Variants in WASF3 observed in about 807,000 individuals in gnomAD.
WASF3 encodes WASP family member 3.
WASF3 carries 11 observed loss-of-function variants against 46.6 expected under a neutral mutation model. The observed-to-expected ratio is 0.24, with a 90% CI of 0.15 to 0.39. The LOEUF (loss-of-function observed/expected upper bound fraction) is 0.39. WASF3 is among the 10% of genes least tolerant of loss of function. The pLI is 1.00. For synonymous variants in WASF3, 242 were observed against 259.7 expected (o/e 0.93, Z 0.65); for missense variants, 576 against 669.8 (o/e 0.86, Z 1.55).
chr13:26,636,980 A>T (rs1203251019), intron 2 of WASF3, among the ~76,000 whole-genome samples: 1 of 152,160 alleles, frequency 6.6e-6, no homozygotes, highest in Non-Finnish European at 1.5e-5. Context: ...CAGACCCTGA[A>T]TCTTCACAGG....
intron 1 of WASF3, among the ~76,000 whole-genome samples, chr13:26,600,848 A>G (rs943309804): frequency 9.9e-5 from 15 of 151,984 alleles, no homozygotes; most frequent in African/African-American, 3.6e-4. Flanking sequence ...CCCTCTCTCC[A>G]CCTCTCCACT....
At chr13:26,572,017 T>C (rs1028488635) in intron 1 of WASF3, among the ~76,000 whole-genome samples, 1 of 152,258 alleles carries the variant, frequency 6.6e-6, no homozygotes, top group Non-Finnish European at 1.5e-5. Flanking sequence ...TTTGTGTATG[T>C]GAAGACTAGT....
the WASF3 span, among the ~76,000 whole-genome samples, chr13:26,549,675 C>G: frequency 6.6e-6 from 1 of 152,178 alleles, no homozygotes. Context: ...GTCAAATATC[C>G]TTTCTTCAAG....
At chr13:26,587,492 TA>T (rs370957454) in intron 1 of WASF3, among the ~76,000 whole-genome samples, 24 of 152,338 alleles carry the variant, frequency 1.6e-4, no homozygotes, top group African/African-American at 5.8e-4. Flanking sequence ...CAGAGTTCTC[TA>T]AAAACAGGAT....
intron 2 of WASF3, among the ~76,000 whole-genome samples, chr13:26,634,275 T>G (rs549173048): frequency 6.6e-6 from 1 of 152,322 alleles, no homozygotes; most frequent in African/African-American, 2.4e-5. Flanking sequence ...CTTTGTTGGT[T>G]TAAAGTCTGT....
chr13:26,562,713 A>G lies in WASF3; in HGVS notation c.-109+4894A>G, dbSNP rs1352475776. ...ATGATCTTGGTGAGGAGTCTGTGGA[A>G]CCTCATTGCTGTGGATTGCAGAGTG... On this transcript the variant is annotated intron_variant, in intron 1 of 9. Transcript: ENST00000335327. 4.0e-5 allele frequency among the ~76,000 whole-genome samples: 6 copies of G among 151,370 alleles called. No individual in the cohort carries two copies. In the East Asian group the frequency reaches 7.8e-4, roughly 20 times the overall value.
At chr13:26,672,119 C>A in intron 6 of WASF3, 130 bp downstream of exon 6, 1 of 691,138 alleles carries the variant, frequency 1.4e-6, no homozygotes, top group Non-Finnish European at 2.5e-6. Flanking sequence ...TTGCATTTCT[C>A]ACAAAAGATC....
At chr13:26,564,218 A>G (rs1471670581) in intron 1 of WASF3, among the ~76,000 whole-genome samples, 4 of 152,232 alleles carry the variant, frequency 2.6e-5, no homozygotes, top group African/African-American at 9.6e-5. Context: ...AGGATAGATT[A>G]TCTTGCTAAC....
intron 1 of WASF3, among the ~76,000 whole-genome samples, chr13:26,579,548 C>T: frequency 6.6e-6 from 1 of 152,032 alleles, no homozygotes; most frequent in Non-Finnish European, 1.5e-5. Flanking sequence ...GGTTGTTTTG[C>T]AGGTATAATG....
Position 26,682,364 on chromosome 13 carries a change from C to A in WASF3, c.984-243C>A, listed in dbSNP as rs568758618. 6.6e-6 allele frequency among the ~76,000 whole-genome samples: 1 copy of A among 152,350 alleles called. No homozygotes were observed. Among genetic ancestry groups the A allele is most frequent in the South Asian group, 2.1e-4 (1 of 4,830 alleles). On this transcript the variant is annotated intron_variant, in intron 8 of 9. Transcript: ENST00000335327. This position sits in a 1 kb window ranked among gnomAD's most constrained non-coding sequence, Gnocchi z 4.4. ...TTCTGCCTTTCTTCAGGAAGTGCTG[C>A]ACTTTTTGAGTGGTCCTCCTTTTGG...
chr13:26,556,444 T>C (rs552816748), upstream of WASF3, among the ~76,000 whole-genome samples: 1 of 152,378 alleles, frequency 6.6e-6, no homozygotes, highest in South Asian at 2.1e-4. Flanking sequence ...TATCAATATT[T>C]AAAATACTGG....
chr13:26,571,428 T>G (rs1361014077), intron 1 of WASF3, among the ~76,000 whole-genome samples: 1 of 152,206 alleles, frequency 6.6e-6, no homozygotes, highest in Non-Finnish European at 1.5e-5. Flanking sequence ...ATATATGGTG[T>G]GAGGAATAGA....
intron 7 of WASF3, chr13:26,680,257 G>T: frequency 6.6e-7 from 1 of 1,504,082 alleles, no homozygotes; most frequent in Non-Finnish European, 8.8e-7. Context: ...TGCTTCTGCC[G>T]CCATGAGAGG....
chr13:26,626,046 A>G (rs1313073894), intron 2 of WASF3: 1 of 152,220 alleles, frequency 6.6e-6, no homozygotes, highest in Non-Finnish European at 1.5e-5. Flanking sequence ...AAATTATTTA[A>G]TAAGACTTGT....
At chr13:26,681,705 C>T (rs1183294493) in intron 8 of WASF3, among the ~76,000 whole-genome samples, 1 of 152,174 alleles carries the variant, frequency 6.6e-6, no homozygotes, top group Non-Finnish European at 1.5e-5. Flanking sequence ...AAGACCACAC[C>T]ATGCAGCTCC....
At chr13:26,631,604 G>T (rs1445137563) in intron 2 of WASF3, among the ~76,000 whole-genome samples, 1 of 152,244 alleles carries the variant, frequency 6.6e-6, no homozygotes, top group Admixed American at 6.5e-5. Context: ...GTCAGGTAGC[G>T]TGATGCCTCC....
intron 3 of WASF3, among the ~76,000 whole-genome samples, chr13:26,660,723 T>C (rs1882605364): frequency 6.6e-6 from 1 of 152,092 alleles, no homozygotes. Flanking sequence ...TGTGATAAAA[T>C]TTACATAACA....
Position 26,578,993 on chromosome 13 carries a change from C to CTTTTTTTTTTTTTTTTTTTTTTTTT in WASF3, c.-109+21197_-109+21198insTTTTTTTTTTTTTTTTTTTTTTTTT, listed in dbSNP as rs200299739. Among the ~76,000 whole-genome samples the CTTTTTTTTTTTTTTTTTTTTTTTTT allele has an allele frequency of 9.2e-4, 56 of 60,640 alleles. 11 individuals carry two copies. The highest frequency in any genetic ancestry group is 2.5e-3 in the African/African-American group (33 of 13,028). 39.8% of individuals were successfully genotyped at this position (60,640 alleles called of 152,430 possible). ...ACCTTATATTCTTGGGATACATTTC[C>CTTTTTTTTTTTTTTTTTTTTTTTTT]TTTTTTTTTTTTTTTTTTTTTTTGT... On this transcript the variant is annotated intron_variant, in intron 1 of 9. Coordinates refer to ENST00000335327, the MANE Select transcript of WASF3 (RefSeq NM_006646.6).
chr13:26,658,441 T>A (rs1287832685), intron 3 of WASF3, among the ~76,000 whole-genome samples: 1 of 152,196 alleles, frequency 6.6e-6, no homozygotes, highest in Non-Finnish European at 1.5e-5. Context: ...AAGATGTTAT[T>A]AGGCGTTTCC....
Sources: gnomAD v4.1 joint callset for allele counts (sites outside exome capture counted in the v4.1 genomes callset) on GRCh38, gnomAD v4.1.1 for gene constraint, Gnocchi (gnomAD v3.1) non-coding constraint, MANE v1.5 for transcripts, NCBI Gene and HGNC (gene_info 2026-07-23, HGNC 2026-07-21) for gene names.